ASRGL1: variants seen among roughly 807,000 people sequenced by gnomAD.
ASRGL1 encodes isoaspartyl peptidase/L-asparaginase.
A neutral mutation model predicts 22.4 loss-of-function variants in ASRGL1; 16 were observed. The ratio of observed to expected loss-of-function variants is 0.71; its 90% CI spans 0.48 to 1.08. ASRGL1 has a LOEUF of 1.08. Among genes scored for constraint, ASRGL1 ranks in the 50% least tolerant of loss-of-function variants. The pLI is 0.00. For synonymous variants in ASRGL1, 165 were observed against 159.3 expected (o/e 1.04, Z -0.27); for missense variants, 412 against 410.1 (o/e 1.00, Z -0.04).
intron 4 of ASRGL1, among the ~76,000 whole-genome samples, chr11:62,357,571 A>T (rs1946334745): frequency 6.6e-6 from 1 of 151,702 alleles, no homozygotes; most frequent in South Asian, 2.1e-4. Context: ...CTCTGACATG[A>T]TTTAGTAGAA....
chr11:62,350,487 A>G (rs72923207), intron 2 of ASRGL1, among the ~76,000 whole-genome samples: 11,912 of 152,200 alleles, frequency 0.078, 591 homozygotes, highest in Non-Finnish European at 0.12. Context: ...GGTAGACCCC[A>G]TATAGTTTGG....
chr11:62,380,234 G>T (rs1382434712), intron 4 of ASRGL1, among the ~76,000 whole-genome samples: 1 of 152,064 alleles, frequency 6.6e-6, no homozygotes, highest in Non-Finnish European at 1.5e-5. Context: ...ATGGCTTAGT[G>T]GCTGATTGAC....
chr11:62,368,502 CCTG>C, intron 4 of ASRGL1, among the ~76,000 whole-genome samples: 1 of 152,254 alleles, frequency 6.6e-6, no homozygotes, highest in African/African-American at 2.4e-5. Context: ...GAAGGGGTGG[CCTG>C]CCCCTCCACA....
chr11:62,375,428 TTATATATATATATATA>T (rs71053051), intron 4 of ASRGL1, among the ~76,000 whole-genome samples: 2,445 of 69,014 alleles, frequency 0.035, 143 homozygotes, highest in African/African-American at 0.079. Context: ...TTGTCTTACT[TTATATATATATATATA>T]TATATATATA....
chr11:62,394,784 C>T (rs1413126635), downstream of ASRGL1, among the ~76,000 whole-genome samples: 1 of 152,120 alleles, frequency 6.6e-6, no homozygotes, highest in East Asian at 1.9e-4. Context: ...GGGTCGTCAG[C>T]CCCTTTGTGC....
At chr11:62,391,185 T>C (rs1218744855) in intron 5 of ASRGL1, among the ~76,000 whole-genome samples, 2 of 152,158 alleles carry the variant, frequency 1.3e-5, no homozygotes, top group East Asian at 1.9e-4. Context: ...TCTTCCTCCA[T>C]AGTGTGTGGG....
chr11:62,382,475 G>C (rs1014500717), intron 4 of ASRGL1: 1 of 152,014 alleles, frequency 6.6e-6, no homozygotes, highest in Non-Finnish European at 1.5e-5. Flanking sequence ...ATTGTCGCTA[G>C]CACCTCTCAC....
chr11:62,357,224 CTTTTGTTTTG>C lies in ASRGL1; in HGVS notation c.491+114_491+123del, dbSNP rs58891136. ...GGCAAATACCTGGTTATCTACAGTT[CTTTTGTTTTG>C]TTTTGTTTTGTTTTGTTTTGTTTTG... is the stretch of plus-strand genomic sequence containing the variant. On this transcript the variant is annotated intron_variant, in intron 4 of 6. Coordinates refer to ENST00000415229, the MANE Select transcript of ASRGL1 (RefSeq NM_001083926.2). The C allele has an allele frequency of 9.8e-4, 712 of 726,952 alleles. 3 individuals are homozygous for C. Among genetic ancestry groups the C allele is most frequent in the South Asian group, 5.0e-3 (253 of 50,650 alleles). 45.0% of individuals were successfully genotyped at this position (726,952 alleles called of 1,614,324 possible).
chr11:62,344,189 C>G lies in ASRGL1; in HGVS notation c.190+6022C>G, dbSNP rs141810010. 1.9e-3 allele frequency among the ~76,000 whole-genome samples: 288 copies of G among 152,172 alleles called. 1 individual carries two copies. The highest frequency in any genetic ancestry group is 6.6e-3 in the African/African-American group (272 of 41,516). ...GGGATTACAGGTGTGAGCCACTGCG[C>G]TTGGCCTGTCGTTCATATTTCTTCA... On this transcript the variant is annotated intron_variant, in intron 2 of 6. Coordinates refer to ENST00000415229, the MANE Select transcript of ASRGL1 (RefSeq NM_001083926.2).
At chr11:62,362,891 ATTTTTTTTTTTTTTTTTTT>A (rs60507577) in intron 4 of ASRGL1, among the ~76,000 whole-genome samples, 1 of 50,348 alleles carries the variant, frequency 2.0e-5, no homozygotes, top group Non-Finnish European at 3.3e-5. Flanking sequence ...AAAGGATTTA[ATTTTTTTTTTTTTTTTTTT>A]TTTTTTTTTT....
intron 4 of ASRGL1, among the ~76,000 whole-genome samples, chr11:62,379,750 A>G (rs1022722235): frequency 3.3e-5 from 5 of 152,176 alleles, no homozygotes; most frequent in Non-Finnish European, 7.4e-5. Flanking sequence ...TATTGTGGTA[A>G]CTGGCTCATT....
At chr11:62,370,090 A>G (rs968872887) in intron 4 of ASRGL1, among the ~76,000 whole-genome samples, 2 of 148,934 alleles carry the variant, frequency 1.3e-5, no homozygotes, top group African/African-American at 5.1e-5. Flanking sequence ...AGTCACTGCA[A>G]TTAAAGTAAA....
In ASRGL1 at chr11:62,392,789, G is replaced by A. The variant is rs1947374245; in HGVS notation, c.*505G>A. ...CAGAACGTTGCACAAGAACATCAGG[G>A]AAAAGAACCAGAATCCTTTAAGGAA... On this transcript the variant is annotated 3_prime_UTR_variant, in exon 7 of 7. Transcript: ENST00000415229. 1 of 163,550 alleles carries A rather than the reference G, an allele frequency of 6.1e-6. No homozygotes were observed. Among genetic ancestry groups the A allele is most frequent in the South Asian group, 1.7e-4 (1 of 6,048 alleles). The allele number at this position is 163,550 out of a possible 1,614,324, so 10.1% of individuals were successfully genotyped here.
intron 4 of ASRGL1, among the ~76,000 whole-genome samples, chr11:62,368,704 G>C (rs1225337439): frequency 6.6e-6 from 1 of 152,136 alleles, no homozygotes; most frequent in Non-Finnish European, 1.5e-5. Flanking sequence ...AGGGGGATGT[G>C]GCAGGACAAT....
In ASRGL1 at chr11:62,350,779, G is replaced by A. The variant is rs994859062; in HGVS notation, c.191-5546G>A. Reference sequence around the variant, plus strand: ...CCACTGCACTCCAGCCTGGGCAACAGAGCAAGACTCTGTCTCAAAAAAGAA... The same window carrying A: ...CCACTGCACTCCAGCCTGGGCAACAAAGCAAGACTCTGTCTCAAAAAAGAA... On this transcript the variant is annotated intron_variant, in intron 2 of 6. Coordinates refer to ENST00000415229, the MANE Select transcript of ASRGL1 (RefSeq NM_001083926.2). 1.2e-4 allele frequency among the ~76,000 whole-genome samples: 18 copies of A among 152,120 alleles called. 1 individual carries two copies. Among genetic ancestry groups the A allele is most frequent in the African/African-American group, 4.3e-4 (18 of 41,410 alleles).
chr11:62,386,537 C>T (rs947774572), intron 4 of ASRGL1, among the ~76,000 whole-genome samples: 1 of 69,014 alleles, frequency 1.4e-5, no homozygotes, highest in African/African-American at 3.3e-5. Flanking sequence ...TTATAGAGGT[C>T]AGCGCTAGCT....
At position 62,392,352 on chromosome 11, in the gene ASRGL1, C is replaced by T; in HGVS notation, c.*68C>T. 6.4e-7 allele frequency: 1 copy of T among 1,553,660 alleles called. No homozygotes were observed. The highest frequency in any genetic ancestry group is 1.1e-5 in the South Asian group (1 of 89,170). ...GTACAGTCTCCTCATGAGACATAGCCTAATCAATTAGATCTAGAATTGGAA... is the reference window on the plus strand; with the variant it reads ...GTACAGTCTCCTCATGAGACATAGCTTAATCAATTAGATCTAGAATTGGAA... On this transcript the variant is annotated 3_prime_UTR_variant, in exon 7 of 7. Transcript: ENST00000415229.
chr11:62,372,911 G>A (rs1946811337), intron 4 of ASRGL1: 3 of 1,581,060 alleles, frequency 1.9e-6, no homozygotes, highest in Non-Finnish European at 1.7e-6. Flanking sequence ...TCTGGAGCCT[G>A]GCTTGTGGGA....
At chr11:62,352,092 C>G (rs1389466068) in intron 2 of ASRGL1, among the ~76,000 whole-genome samples, 1 of 152,114 alleles carries the variant, frequency 6.6e-6, no homozygotes, top group Non-Finnish European at 1.5e-5. Context: ...AGTGTTGAAG[C>G]CCTAATCTGG....
Sources: gnomAD v4.1 joint callset for allele counts (sites outside exome capture counted in the v4.1 genomes callset) on GRCh38, gnomAD v4.1.1 for gene constraint, MANE v1.5 for transcripts, NCBI Gene and HGNC (gene_info 2026-07-23, HGNC 2026-07-21) for gene names.